B4GALNT3: variants seen among roughly 807,000 people sequenced by gnomAD.
B4GALNT3 encodes the protein beta-1,4-N-acetyl-galactosaminyltransferase 3, also known as beta-1,4-N-acetylgalactosaminyltransferase 3.
In B4GALNT3, 86 loss-of-function variants were observed where a neutral mutation model predicts 120.2. The observed-to-expected ratio is 0.72, with a 90% CI of 0.60 to 0.86. The LOEUF is 0.86. Among genes scored for constraint, B4GALNT3 ranks in the 40% least tolerant of loss-of-function variants. The pLI is 0.00. For missense variants in B4GALNT3, 1,167 were observed against 1,298.9 expected, an observed-to-expected ratio of 0.90 and a Z score of 1.56; for synonymous variants, 518 against 510.4, an observed-to-expected ratio of 1.01 and a Z score of -0.20.
rs1176663101 is a variant in B4GALNT3 at position 478,781 on chromosome 12, A to C, written c.169+18236A>C. Among the ~76,000 whole-genome samples the C allele has an allele frequency of 3.9e-5, 6 of 152,204 alleles. No individual in the cohort carries two copies. In the South Asian group the frequency reaches 1.2e-3, roughly 32 times the overall value. Reference sequence around the variant, plus strand: ...CTTGGGAAGGAAGGGGTGGAAGGGCAGGCAAACAACAGTACCCTGTTTTTA... The same window carrying C: ...CTTGGGAAGGAAGGGGTGGAAGGGCCGGCAAACAACAGTACCCTGTTTTTA... On this transcript the variant is annotated intron_variant, in intron 1 of 19. Transcript: ENST00000266383.
chr12:544,114 G>T (rs1306064895), intron 3 of B4GALNT3, among the ~76,000 whole-genome samples: 1 of 120,876 alleles, frequency 8.3e-6, no homozygotes, highest in Non-Finnish European at 1.8e-5. Context: ...GAGCTGAGGA[G>T]CTGGGACGGG....
intron 14 of B4GALNT3, among the ~76,000 whole-genome samples, chr12:555,596 A>T (rs548823451): frequency 6.6e-6 from 1 of 152,302 alleles, no homozygotes; most frequent in African/African-American, 2.4e-5. Context: ...TCTTGGGTAT[A>T]TATCTAGGAG....
In B4GALNT3 at chr12:552,096, AC is replaced by A; in HGVS notation, c.1144del (p.Arg382AlafsTer2). 6.2e-7 allele frequency: 1 copy of A among 1,612,806 alleles called. No homozygotes were observed. The highest frequency in any genetic ancestry group is 8.5e-7 in the Non-Finnish European group (1 of 1,179,012). ...HLSFVYPNDY[T>X]RLSHMETHNK... ...GTCTTTTGTTTACCCCAATGACTAT[AC>A]CCGCCTGAGCCACATGGAGACCCAC... On this transcript the variant is annotated frameshift_variant, in exon 12 of 20. Transcript: ENST00000266383. LOFTEE classifies it high-confidence loss of function.
intron 1 of B4GALNT3, among the ~76,000 whole-genome samples, chr12:514,422 C>G (rs1946631124): frequency 6.6e-6 from 1 of 151,744 alleles, no homozygotes; most frequent in African/African-American, 2.4e-5. Context: ...TGGTCTCGAT[C>G]TACTGACCTC....
intron 1 of B4GALNT3, among the ~76,000 whole-genome samples, chr12:509,589 T>G (rs181000018): frequency 8.5e-5 from 13 of 152,182 alleles, no homozygotes; most frequent in African/African-American, 3.1e-4. Flanking sequence ...CAAGAGAGTC[T>G]TATAAATACA....
chr12:545,702 T>C (rs112125729), intron 6 of B4GALNT3, among the ~76,000 whole-genome samples: 27,931 of 62,640 alleles, frequency 0.45, 5,095 homozygotes, highest in East Asian at 0.62. Context: ...TGGGGAGGAG[T>C]GAGGAATGGG....
At chr12:468,345 C>T (rs1422419076) in intron 1 of B4GALNT3, among the ~76,000 whole-genome samples, 2 of 152,106 alleles carry the variant, frequency 1.3e-5, no homozygotes, top group East Asian at 3.8e-4. Context: ...AAAAGTATTG[C>T]CCTGACCTTT....
chr12:525,086 T>TTTTTTTTATTTATTTATTTA (rs1555156518), intron 1 of B4GALNT3, among the ~76,000 whole-genome samples: 19 of 130,532 alleles, frequency 1.5e-4, no homozygotes, highest in Non-Finnish European at 2.8e-4. Flanking sequence ...AATAACACAA[T>TTTTTTTTATTTATTTATTTA]TTTATTTATT....
intron 1 of B4GALNT3, among the ~76,000 whole-genome samples, chr12:480,161 C>T (rs928890724): frequency 1.3e-5 from 2 of 150,562 alleles, no homozygotes; most frequent in South Asian, 2.1e-4. Context: ...GTGATCCGCC[C>T]GCCTCGGCCT....
chr12:506,548 C>T (rs1414119806), intron 1 of B4GALNT3, among the ~76,000 whole-genome samples: 1 of 152,084 alleles, frequency 6.6e-6, no homozygotes, highest in Non-Finnish European at 1.5e-5. Flanking sequence ...ATTCAATATG[C>T]CTTCTAAGTG....
At chr12:561,221 G>C in intron 19 of B4GALNT3, 122 bp from the exon 20 acceptor site, 1 of 693,400 alleles carries the variant, frequency 1.4e-6, no homozygotes, top group Non-Finnish European at 2.5e-6. Flanking sequence ...GCCCACAGCC[G>C]TCCACTGCAC....
intron 1 of B4GALNT3, among the ~76,000 whole-genome samples, chr12:521,077 C>T (rs1411387292): frequency 2.6e-5 from 4 of 152,176 alleles, no homozygotes; most frequent in African/African-American, 2.4e-5. Context: ...GTCACACCCC[C>T]GGTTCAGGAA....
chr12:507,024 T>C (rs1946503917), intron 1 of B4GALNT3, among the ~76,000 whole-genome samples: 1 of 152,240 alleles, frequency 6.6e-6, no homozygotes, highest in South Asian at 2.1e-4. Flanking sequence ...CTCACTTTGC[T>C]CACACCCAGT....
intron 3 of B4GALNT3, 33 bp from the exon 4 acceptor site, chr12:544,305 AC>A: frequency 6.2e-7 from 1 of 1,604,638 alleles, no homozygotes; most frequent in African/African-American, 1.3e-5. Context: ...TGGGGTGCTC[AC>A]GCTCACTCAC....
intron 14 of B4GALNT3, among the ~76,000 whole-genome samples, chr12:554,735 A>T (rs1199502906): frequency 1.6e-5 from 2 of 123,984 alleles, no homozygotes; most frequent in East Asian, 5.6e-4. Flanking sequence ...GCTTGCAGTG[A>T]GCTGAGATTG....
chr12:523,554 T>C (rs559486101), intron 1 of B4GALNT3, among the ~76,000 whole-genome samples: 20 of 152,334 alleles, frequency 1.3e-4, no homozygotes, highest in African/African-American at 4.1e-4. Context: ...CCAGCAGCTA[T>C]GGCTAAGTAC....
chr12:543,889 T>C (rs1324296686), intron 3 of B4GALNT3, among the ~76,000 whole-genome samples: 5 of 125,748 alleles, frequency 4.0e-5, no homozygotes, highest in East Asian at 2.7e-4. Flanking sequence ...GTGCTCATCT[T>C]CCTGGAGCTG....
intron 1 of B4GALNT3, among the ~76,000 whole-genome samples, chr12:462,667 C>G (rs760005158): frequency 1.3e-5 from 2 of 152,054 alleles, no homozygotes; most frequent in Non-Finnish European, 2.9e-5. Flanking sequence ...CACCTTGTTT[C>G]CTCTCTCCTC....
At position 553,181 on chromosome 12, in the gene B4GALNT3, T is replaced by C; in HGVS notation, c.1271-13T>C. The C allele has an allele frequency of 6.2e-7, 1 of 1,607,446 alleles. No homozygotes were observed. The highest frequency in any genetic ancestry group is 8.5e-7 in the Non-Finnish European group (1 of 1,175,350). On this transcript the variant is annotated splice_polypyrimidine_tract_variant and intron_variant, in intron 13 of 19. Coordinates refer to ENST00000266383, the MANE Select transcript of B4GALNT3 (RefSeq NM_173593.4). ...AAACTCTTGACATGAGGAATGGTTG[T>C]TATTAATAGCAGGTTTTGAGGAAAA...
Sources: allele counts gnomAD v4.1 joint callset (sites outside exome capture counted in the v4.1 genomes callset), GRCh38; gene constraint gnomAD v4.1.1; transcripts MANE v1.5; gene names NCBI Gene and HGNC (gene_info 2026-07-23, HGNC 2026-07-21).